TYR: variants seen among roughly 807,000 people sequenced by gnomAD.
The protein encoded by TYR is tyrosinase, also known as LB24-AB.
A neutral mutation model predicts 51.5 loss-of-function variants in TYR; 58 were observed. That is an observed-to-expected ratio of 1.13 (90% CI 0.91 to 1.40). The LOEUF (loss-of-function observed/expected upper bound fraction) is 1.40, where lower values mean the gene tolerates loss of function less well. TYR is among the 40% of genes most tolerant of loss of function. TYR has a pLI of 0.00. For synonymous variants in TYR, 263 were observed against 235.2 expected (o/e 1.12, Z -1.08); for missense variants, 732 against 647.4 (o/e 1.13, Z -1.42).
intron 1 of TYR, 110 bp from the exon 2 acceptor site, chr11:89,191,092 T>A (rs1943437059): frequency 2.2e-6 from 2 of 917,364 alleles, no homozygotes; most frequent in Non-Finnish European, 1.8e-6. Context: ...ATTGTAGTAA[T>A]CTCCTCAGGA....
intron 3 of TYR, among the ~76,000 whole-genome samples, chr11:89,284,202 G>A (rs1944753364): frequency 6.6e-6 from 1 of 151,692 alleles, no homozygotes; most frequent in African/African-American, 2.4e-5. Context: ...TTTATCATAT[G>A]GTCATACTCT....
At chr11:89,204,824 TA>T (rs768437651) in intron 2 of TYR, among the ~76,000 whole-genome samples, 4,378 of 139,728 alleles carry the variant, frequency 0.031, 167 homozygotes, top group African/African-American at 0.094. Context: ...ATCCTTGAAT[TA>T]AAAAAAAAAA....
intron 3 of TYR, among the ~76,000 whole-genome samples, chr11:89,257,178 A>G (rs1002555489): frequency 2.0e-5 from 3 of 152,002 alleles, no homozygotes; most frequent in Admixed American, 6.6e-5. Flanking sequence ...AATGCAGCTT[A>G]CACATTCTCA....
At chr11:89,188,046 A>G (rs1432644076) in intron 1 of TYR, among the ~76,000 whole-genome samples, 2 of 150,442 alleles carry the variant, frequency 1.3e-5, no homozygotes, top group Non-Finnish European at 3.0e-5. Flanking sequence ...TATATATAAT[A>G]TTTTATTTAA....
At chr11:89,203,316 C>T (rs1007987792) in intron 2 of TYR, among the ~76,000 whole-genome samples, 2 of 152,188 alleles carry the variant, frequency 1.3e-5, no homozygotes, top group African/African-American at 4.8e-5. Flanking sequence ...CACTACAAAG[C>T]CTTCTTCAGC....
intron 2 of TYR, among the ~76,000 whole-genome samples, chr11:89,225,454 T>C (rs1268722815): frequency 2.0e-5 from 3 of 151,898 alleles, no homozygotes; most frequent in Non-Finnish European, 4.4e-5. Flanking sequence ...ACAAAAAATT[T>C]GTATCCTTAG....
intron 2 of TYR, among the ~76,000 whole-genome samples, chr11:89,208,999 G>A (rs556540519): frequency 4.6e-5 from 7 of 152,246 alleles, no homozygotes; most frequent in East Asian, 3.9e-4. Flanking sequence ...GAAGAGCTCT[G>A]GTCTACATCT....
chr11:89,251,616 T>G (rs532443718), intron 3 of TYR, among the ~76,000 whole-genome samples: 29 of 151,978 alleles, frequency 1.9e-4, no homozygotes, highest in African/African-American at 7.0e-4. Flanking sequence ...GCATATTTAT[T>G]GAAAGGAAAA....
At chr11:89,208,007 G>A (rs552037388) in intron 2 of TYR, among the ~76,000 whole-genome samples, 8 of 152,264 alleles carry the variant, frequency 5.3e-5, no homozygotes, top group African/African-American at 1.2e-4. Context: ...GGTGGCTCAC[G>A]CCTGTAATCC....
intron 2 of TYR, among the ~76,000 whole-genome samples, chr11:89,225,219 G>A (rs1047696805): frequency 6.6e-6 from 1 of 151,614 alleles, no homozygotes; most frequent in Non-Finnish European, 1.5e-5. Context: ...GTATACATTG[G>A]GAAATGGCTA....
chr11:89,238,774 AT>A (rs1230768079), intron 3 of TYR, among the ~76,000 whole-genome samples: 2 of 152,240 alleles, frequency 1.3e-5, no homozygotes, highest in African/African-American at 4.8e-5. Flanking sequence ...TCTATACCTA[AT>A]TTTTTGAGAG....
chr11:89,207,339 C>A (rs1057510843), intron 2 of TYR, among the ~76,000 whole-genome samples: 1 of 152,118 alleles, frequency 6.6e-6, no homozygotes, highest in Admixed American at 6.5e-5. Flanking sequence ...GTACTATGAG[C>A]ACTCTATGTA....
chr11:89,217,054 C>T (rs1264615181), intron 2 of TYR, among the ~76,000 whole-genome samples: 2 of 152,018 alleles, frequency 1.3e-5, no homozygotes, highest in African/African-American at 4.8e-5. Flanking sequence ...AATCTTTTAC[C>T]CATGTTTTGT....
At chr11:89,276,454 T>A (rs1944655630) in intron 3 of TYR, among the ~76,000 whole-genome samples, 1 of 151,760 alleles carries the variant, frequency 6.6e-6, no homozygotes, top group East Asian at 2.0e-4. Context: ...TGGGTTCTCA[T>A]CTTAACTCAG....
rs546784147 is a variant in TYR, at chr11:89,183,142, G to C, written c.819+4370G>C. On this transcript the variant is annotated intron_variant, in intron 1 of 4. Coordinates refer to ENST00000263321, the MANE Select transcript of TYR (RefSeq NM_000372.5). ...TATAACAAAATCTTTGCTCCCAAAA[G>C]CTTTTAATATCTGGCAGTTTATTGC... Among the ~76,000 whole-genome samples, 5 of 152,116 alleles carry C rather than the reference G, an allele frequency of 3.3e-5. No homozygotes were observed. The East Asian group carries it at 9.7e-4, about 29-fold the overall frequency.
chr11:89,263,523 G>T (rs2135308948), intron 3 of TYR, among the ~76,000 whole-genome samples: 1 of 151,966 alleles, frequency 6.6e-6, no homozygotes, highest in African/African-American at 2.4e-5. Context: ...AGGGCCATTA[G>T]GCATGAAAAA....
At chr11:89,281,435 A>G (rs748799544) in intron 3 of TYR, among the ~76,000 whole-genome samples, 1 of 151,712 alleles carries the variant, frequency 6.6e-6, no homozygotes, top group Non-Finnish European at 1.5e-5. Context: ...TCCTGGAGGT[A>G]AAGCCCCAAA....
At chr11:89,209,386 G>C (rs1228837101) in intron 2 of TYR, among the ~76,000 whole-genome samples, 2 of 152,198 alleles carry the variant, frequency 1.3e-5, no homozygotes, top group African/African-American at 4.8e-5. Flanking sequence ...TTGGCAGGGA[G>C]AGGGGCATCC....
At chr11:89,192,833 A>G (rs1943464388) in intron 2 of TYR, among the ~76,000 whole-genome samples, 1 of 152,192 alleles carries the variant, frequency 6.6e-6, no homozygotes, top group Non-Finnish European at 1.5e-5. Flanking sequence ...TGTATTTATT[A>G]TTCCCACTTT....
Sources: gnomAD v4.1 joint callset for allele counts (sites outside exome capture counted in the v4.1 genomes callset) on GRCh38, gnomAD v4.1.1 for gene constraint, MANE v1.5 for transcripts, NCBI Gene and HGNC (gene_info 2026-07-23, HGNC 2026-07-21) for gene names.